PIEZO2: variants seen among roughly 807,000 people sequenced by gnomAD.
PIEZO2 encodes the protein piezo-type mechanosensitive ion channel component 2.
PIEZO2 carries 172 observed loss-of-function variants against 337.3 expected under a neutral mutation model. The ratio of observed to expected loss-of-function variants is 0.51; its 90% CI spans 0.45 to 0.58. PIEZO2 has a LOEUF of 0.58. PIEZO2 is among the 20% of genes least tolerant of loss of function. The pLI, the probability that PIEZO2 is intolerant of heterozygous loss-of-function variation, is 0.00. For missense variants in PIEZO2, 3,028 were observed against 3,391.3 expected, an observed-to-expected ratio of 0.89 and a Z score of 2.66; for synonymous variants, 1,251 against 1,228.5, an observed-to-expected ratio of 1.02 and a Z score of -0.38.
intron 1 of PIEZO2, among the ~76,000 whole-genome samples, chr18:11,114,149 C>T (rs1345648448): frequency 6.6e-6 from 1 of 152,152 alleles, no homozygotes; most frequent in African/African-American, 2.4e-5. Context: ...AAAGTAAACA[C>T]ATTAAATGTT....
In PIEZO2 at chr18:10,894,652, C is replaced by A. The variant is rs2042846776; in HGVS notation, c.329+16534G>T. 1 of 152,270 alleles carries A rather than the reference C, an allele frequency of 6.6e-6. No individual in the cohort carries two copies. Among genetic ancestry groups the A allele is most frequent in the Non-Finnish European group, 1.5e-5 (1 of 68,092 alleles). The allele number at this position is 152,270 out of a possible 1,614,324, so 9.4% of individuals were successfully genotyped here. ...AAGAAGAATCAGGAAAGAAGGGGCG[C>A]AAGACTCCGGACGTATGCCAACGCA... On this transcript the variant is annotated intron_variant, in intron 4 of 55. Transcript: ENST00000674853. This position sits in a 1 kb window ranked among gnomAD's most constrained non-coding sequence, Gnocchi z 4.1.
Position 10,761,247 on chromosome 18 carries a change from A to G in PIEZO2, c.3250-136T>C, listed in dbSNP as rs1320752278. ...CCTCTCTTAAGCAGTTTTGAGCTCA[A>G]TATTCGTTTTCTCTGTCTTATTTAT... On this transcript the variant is annotated intron_variant, in intron 23 of 55. Transcript: ENST00000674853. 16 of 743,204 alleles carry G rather than the reference A, an allele frequency of 2.2e-5. No homozygotes were observed. In the Admixed American group the frequency reaches 4.6e-4, roughly 21 times the overall value. The allele number at this position is 743,204 out of a possible 1,614,324, so 46.0% of individuals were successfully genotyped here.
chr18:10,863,189 A>G lies in PIEZO2; in HGVS notation c.493-5978T>C, dbSNP rs1015751936. On this transcript the variant is annotated intron_variant, in intron 5 of 55. Coordinates refer to ENST00000674853, the MANE Select transcript of PIEZO2 (RefSeq NM_001378183.1). The surrounding 1 kb of genome is among the most constrained non-coding windows in gnomAD (Gnocchi z 4.3). ...TAACAGAATGGGTTCATCTCAATAC[A>G]AGAGCCAGAGGAAGGAAAAGACAAG... Among the ~76,000 whole-genome samples, 2 of 152,208 alleles carry G rather than the reference A, an allele frequency of 1.3e-5. No individual in the cohort carries two copies. The highest frequency in any genetic ancestry group is 1.3e-4 in the Admixed American group (2 of 15,278).
In PIEZO2 at chr18:10,680,189, C is replaced by A; in HGVS notation, c.7952+10G>T. 2 of 1,599,048 alleles carry A rather than the reference C, an allele frequency of 1.3e-6. No homozygotes were observed. The highest frequency in any genetic ancestry group is 2.7e-5 in the African/African-American group (2 of 74,272). On this transcript the variant is annotated intron_variant, in intron 52 of 55. Coordinates refer to ENST00000674853, the MANE Select transcript of PIEZO2 (RefSeq NM_001378183.1). ...AAGGGATAAATTATACATGGAAATACAGTAACTACCTCTGAATACTCCATG... is the reference window on the plus strand; with the variant it reads ...AAGGGATAAATTATACATGGAAATAAAGTAACTACCTCTGAATACTCCATG...
Position 10,795,752 on chromosome 18 carries a change from G to A in PIEZO2, c.1528-750C>T, listed in dbSNP as rs973059306. Among the ~76,000 whole-genome samples, 1 of 152,152 alleles carries A rather than the reference G, an allele frequency of 6.6e-6. No individual in the cohort carries two copies. Among genetic ancestry groups the A allele is most frequent in the Non-Finnish European group, 1.5e-5 (1 of 68,030 alleles). ...CCTGGGGAAACCGTGCCTAGGTTCT[G>A]TGTCCCTTGAGTTAAAGAATATTTT... On this transcript the variant is annotated intron_variant, in intron 12 of 55. Transcript: ENST00000674853. This position sits in a 1 kb window ranked among gnomAD's most constrained non-coding sequence, Gnocchi z 4.4.
intron 3 of PIEZO2, among the ~76,000 whole-genome samples, chr18:10,914,436 T>C (rs1433012192): frequency 4.6e-5 from 7 of 152,136 alleles, no homozygotes; most frequent in African/African-American, 7.2e-5. Flanking sequence ...TAAAACAGTG[T>C]AGAATTTGTA....
intron 21 of PIEZO2, among the ~76,000 whole-genome samples, chr18:10,765,347 C>T (rs1797656805): frequency 6.6e-6 from 1 of 152,146 alleles, no homozygotes; most frequent in African/African-American, 2.4e-5. Context: ...GACTTTAAAA[C>T]CCATCCAGCG....
In PIEZO2 at chr18:11,091,957, G is replaced by A. The variant is rs116876300; in HGVS notation, c.65-25735C>T. On this transcript the variant is annotated intron_variant, in intron 1 of 55. Transcript: ENST00000674853. Reference sequence around the variant, plus strand: ...TAAAGCAGAGAATTTCCTGCCACACGAGTCAGTAAAAGGCAGGCCGTGGTT... The same window carrying A: ...TAAAGCAGAGAATTTCCTGCCACACAAGTCAGTAAAAGGCAGGCCGTGGTT... Among the ~76,000 whole-genome samples the A allele has an allele frequency of 5.8e-4, 88 of 152,302 alleles. 1 individual carries two copies. In the East Asian group the frequency reaches 0.013, roughly 22 times the overall value.
chr18:10,968,895 A>T (rs1408750419), intron 3 of PIEZO2, among the ~76,000 whole-genome samples: 1 of 152,206 alleles, frequency 6.6e-6, no homozygotes, highest in African/African-American at 2.4e-5. Context: ...CCAAGCTTCT[A>T]GATGCCTAAA....
rs1225670907 is a variant in PIEZO2 at position 10,726,899 on chromosome 18, G to A, written c.5029+4508C>T. The A allele has an allele frequency of 6.3e-7, 1 of 1,587,864 alleles. No homozygotes were observed. Among genetic ancestry groups the A allele is most frequent in the South Asian group, 1.1e-5 (1 of 87,478 alleles). ...CTGAAGCACATCATGGCCACCAACC[G>A]GCTGGATGTGGCGGAGCTGGGTCGC... On this transcript the variant is annotated intron_variant, in intron 36 of 55. Coordinates refer to ENST00000674853, the MANE Select transcript of PIEZO2 (RefSeq NM_001378183.1). This position sits in a 1 kb window ranked among gnomAD's most constrained non-coding sequence, Gnocchi z 5.9.
chr18:11,029,984 T>C (rs771276059), intron 2 of PIEZO2, among the ~76,000 whole-genome samples: 8 of 152,218 alleles, frequency 5.3e-5, no homozygotes, highest in Non-Finnish European at 8.8e-5. Flanking sequence ...GTTGGAAATA[T>C]TTTTTATCTC....
chr18:10,797,254 A>G, intron 12 of PIEZO2, 120 bp downstream of exon 12: 2 of 805,694 alleles, frequency 2.5e-6, no homozygotes, highest in Non-Finnish European at 3.8e-6. Context: ...TATCATACAT[A>G]CCATCATATC....
intron 4 of PIEZO2, among the ~76,000 whole-genome samples, chr18:10,873,706 TAAAG>T (rs1568151998): frequency 1.3e-5 from 2 of 152,128 alleles, no homozygotes; most frequent in African/African-American, 4.8e-5. Flanking sequence ...AAAACTTAAT[TAAAG>T]AGTCTTCTAA....
At chr18:10,812,533 A>T (rs2040226701) in intron 7 of PIEZO2, among the ~76,000 whole-genome samples, 3 of 84,422 alleles carry the variant, frequency 3.6e-5, no homozygotes, top group African/African-American at 7.5e-5. Flanking sequence ...AAAAGTTATT[A>T]AAAAATTCAT....
chr18:10,725,037 G>T (rs900404898), intron 36 of PIEZO2: 5 of 1,581,354 alleles, frequency 3.2e-6, no homozygotes, highest in Middle Eastern at 3.4e-4. Context: ...CCTGCATGTT[G>T]GTGGCCCTGC....
At position 10,677,931 on chromosome 18, in the gene PIEZO2, A is replaced by T; in HGVS notation, c.7953-56T>A. On this transcript the variant is annotated intron_variant, in intron 52 of 55. Coordinates refer to ENST00000674853, the MANE Select transcript of PIEZO2 (RefSeq NM_001378183.1). The surrounding 1 kb of genome is among the most constrained non-coding windows in gnomAD (Gnocchi z 4.1). ...GTGATTATTCAGAAGTCTGGAAAAG[A>T]GATTTACAACATATTTAACTCTTAA... 7 of 1,472,856 alleles carry T rather than the reference A, an allele frequency of 4.8e-6. No homozygotes were observed. Among genetic ancestry groups the T allele is most frequent in the Non-Finnish European group, 5.5e-6 (6 of 1,100,410 alleles). The allele number at this position is 1,472,856 out of a possible 1,614,324, so 91.2% of individuals were successfully genotyped here.
chr18:10,920,988 G>T (rs2031354043), intron 3 of PIEZO2, among the ~76,000 whole-genome samples: 1 of 152,162 alleles, frequency 6.6e-6, no homozygotes, highest in African/African-American at 2.4e-5. Flanking sequence ...GGGAGGCAGA[G>T]GTTGCAGTGA....
At chr18:10,725,919 C>T (rs1028085355) in intron 36 of PIEZO2, among the ~76,000 whole-genome samples, 2 of 152,214 alleles carry the variant, frequency 1.3e-5, no homozygotes, top group African/African-American at 4.8e-5. Context: ...GTGCAGGGCA[C>T]TAACCACTAT....
At chr18:10,984,884 CAGT>C (rs2034809239) in intron 2 of PIEZO2, among the ~76,000 whole-genome samples, 1 of 152,110 alleles carries the variant, frequency 6.6e-6, no homozygotes, top group Non-Finnish European at 1.5e-5. Flanking sequence ...AAAAGGCTAT[CAGT>C]AGATTTCTCA....
Sources: allele counts gnomAD v4.1 joint callset (sites outside exome capture counted in the v4.1 genomes callset), GRCh38; gene constraint gnomAD v4.1.1; non-coding constraint Gnocchi (gnomAD v3.1); transcripts MANE v1.5; gene names NCBI Gene and HGNC (gene_info 2026-07-23, HGNC 2026-07-21).